Variants in CCN4 observed in about 807,000 individuals in gnomAD.
CCN4 encodes the protein CCN family member 4.
CCN4 carries 30 observed loss-of-function variants against 36.7 expected under a neutral mutation model. The observed-to-expected ratio is 0.82, with a 90% confidence interval of 0.61 to 1.11. CCN4 has a LOEUF of 1.11. Among genes scored for constraint, CCN4 ranks in the 50% least tolerant of loss-of-function variants. The probability of loss-of-function intolerance (pLI) is 0.00; values close to 1 mark genes in which losing one functional copy is unlikely to be tolerated. For synonymous variants in CCN4, 191 were observed against 195.4 expected, an observed-to-expected ratio of 0.98 and a Z score of 0.19; for missense variants, 505 against 504.9, an observed-to-expected ratio of 1.00 and a Z score of 0.00.
rs1180451059 is a variant in CCN4 at position 133,231,415 on chromosome 8, G to A, written c.*3705G>A. The A allele has an allele frequency of 1.3e-5, 2 of 152,234 alleles. No individual in the cohort carries two copies. The highest frequency in any genetic ancestry group is 2.9e-5 in the Non-Finnish European group (2 of 68,010). The allele number at this position is 152,234 out of a possible 1,614,324, so 9.4% of individuals were successfully genotyped here. A position where few individuals can be genotyped will look rare whatever the true frequency, so the allele number is the denominator to read the frequency against. ...ACTGAAAAACTACACATGAGGAAAC[G>A]TCTTAGAATTTTCCAATAGAGGAAA... On this transcript the variant is annotated 3_prime_UTR_variant, in exon 5 of 5. Coordinates refer to ENST00000250160, the MANE Select transcript of CCN4 (RefSeq NM_003882.4).
intron 1 of CCN4, among the ~76,000 whole-genome samples, chr8:133,197,579 A>G (rs974836975): frequency 6.6e-6 from 1 of 152,000 alleles, no homozygotes; most frequent in Non-Finnish European, 1.5e-5. Flanking sequence ...CCTCCTCTCT[A>G]TGAAAGAAGG....
intron 1 of CCN4, among the ~76,000 whole-genome samples, chr8:133,210,622 AT>A (rs71299054): frequency 6.6e-6 from 1 of 151,750 alleles, no homozygotes; most frequent in Non-Finnish European, 1.5e-5. Context: ...TGCAGGCAAG[AT>A]TTTTTTTGGC....
At chr8:133,224,234 T>G in intron 3 of CCN4, among the ~76,000 whole-genome samples, 1 of 69,710 alleles carries the variant, frequency 1.4e-5, no homozygotes, top group African/African-American at 4.8e-5. Context: ...AAGTCCTTTT[T>G]TTTTTTTTTT....
intron 1 of CCN4, among the ~76,000 whole-genome samples, chr8:133,209,555 C>T (rs1283711691): frequency 6.6e-6 from 1 of 152,240 alleles, no homozygotes; most frequent in Non-Finnish European, 1.5e-5. Context: ...TGCAGCTTCC[C>T]CTCACCAGCT....
At chr8:133,223,212 G>A (rs567462385) in intron 3 of CCN4, among the ~76,000 whole-genome samples, 2 of 152,248 alleles carry the variant, frequency 1.3e-5, no homozygotes, top group East Asian at 3.9e-4. Flanking sequence ...GAGGGTCACG[G>A]GGGGAGCAGG....
chr8:133,201,210 A>G (rs1223487073), intron 1 of CCN4, among the ~76,000 whole-genome samples: 1 of 152,050 alleles, frequency 6.6e-6, no homozygotes, highest in African/African-American at 2.4e-5. Flanking sequence ...TCTGACCTTT[A>G]CCTTTTTGTG....
chr8:133,227,366 C>T lies in CCN4; in HGVS notation c.805-45C>T, dbSNP rs148267109. On this transcript the variant is annotated intron_variant, in intron 4 of 4. Transcript: ENST00000250160. Reference sequence around the variant, plus strand: ...GGCTCAGGGGAAGAAGGTGGTTGTCCATTCTCTGAGCACTCCCACTGAAAG... The same window carrying T: ...GGCTCAGGGGAAGAAGGTGGTTGTCTATTCTCTGAGCACTCCCACTGAAAG... 204 of 1,554,606 alleles carry T rather than the reference C, an allele frequency of 1.3e-4. No individual in the cohort carries two copies. In the East Asian group the frequency reaches 4.3e-3, roughly 33 times the overall value.
Position 133,225,586 on chromosome 8 carries a change from G to A in CCN4, c.804+3G>A. ...TGGACATCCATACACTCATTAAGGT[G>A]GGTCCAGAGCAGGTGTGGATGTCTA... On this transcript the variant is annotated splice_donor_region_variant and intron_variant, in intron 4 of 4. Transcript: ENST00000250160. The A allele has an allele frequency of 6.3e-7, 1 of 1,593,758 alleles. No individual in the cohort carries two copies. Among genetic ancestry groups the A allele is most frequent in the Non-Finnish European group, 8.6e-7 (1 of 1,166,294 alleles).
intron 1 of CCN4, among the ~76,000 whole-genome samples, chr8:133,212,305 C>T (rs1258557019): frequency 1.3e-5 from 2 of 152,124 alleles, no homozygotes; most frequent in Non-Finnish European, 2.9e-5. Context: ...TGCCGCTGCA[C>T]CACGCCAGCC....
At chr8:133,221,894 G>C (rs1588204032) in intron 3 of CCN4, among the ~76,000 whole-genome samples, 1 of 151,490 alleles carries the variant, frequency 6.6e-6, no homozygotes, top group South Asian at 2.1e-4. Context: ...GTGAATGATG[G>C]ATGGGTCAAT....
intron 1 of CCN4, among the ~76,000 whole-genome samples, chr8:133,194,288 T>A (rs563610293): frequency 7.8e-6 from 1 of 128,494 alleles, no homozygotes; most frequent in East Asian, 2.4e-4. Context: ...ATGTGGGGTG[T>A]GTCTGGTGTG....
intron 2 of CCN4, among the ~76,000 whole-genome samples, chr8:133,214,316 C>T (rs1344715548): frequency 6.6e-6 from 1 of 151,182 alleles, no homozygotes; most frequent in African/African-American, 2.4e-5. Flanking sequence ...AATGACATTG[C>T]CATAATTTTT....
intron 1 of CCN4, among the ~76,000 whole-genome samples, chr8:133,194,583 TG>T (rs1247319540): frequency 1.8e-5 from 1 of 54,254 alleles, no homozygotes; most frequent in African/African-American, 7.9e-5. Context: ...GAGGGGTGTG[TG>T]GGGTGTGTGG....
intron 1 of CCN4, among the ~76,000 whole-genome samples, chr8:133,199,303 C>T (rs1004496250): frequency 2.6e-5 from 4 of 152,206 alleles, no homozygotes; most frequent in African/African-American, 9.6e-5. Context: ...CAGGCTTGTG[C>T]TCTAGGCAGG....
Position 133,220,586 on chromosome 8 carries a change from G to A in CCN4, c.355G>A (p.Val119Ile). Residue 119 changes from valine (V) to isoleucine (I), a missense_variant, in exon 3 of 5, where the codon GTC (valine) becomes ATC (isoleucine). Physicochemically the swap from Val to Ile is conservative, Grantham distance 29. Transcript: ENST00000250160. ...CCGGCCACCTGTGTTTGCAGAGGTG[G>A]TCGGTGTGGGCTGCGTCCTGGATGG... ...RYAIGVCAQV[V>I]GVGCVLDGVR... is the part of the protein sequence containing the mutation. 1 of 1,612,104 alleles carries A rather than the reference G, an allele frequency of 6.2e-7. No homozygotes were observed. The highest frequency in any genetic ancestry group is 8.5e-7 in the Non-Finnish European group (1 of 1,178,350).
rs774901329 is a variant in CCN4, at chr8:133,212,982, C to T, written c.188C>T (p.Pro63Leu). The change falls in exon 2 of 5, where the codon CCG (proline) becomes CTG (leucine). Residue 63 changes from proline (P) to leucine (L), a missense_variant. Physicochemically the swap from Pro to Leu is moderately conservative, Grantham distance 98. Coordinates refer to ENST00000250160, the MANE Select transcript of CCN4 (RefSeq NM_003882.4). ...CECPPSPPRC[P>L]LGVSLITDGC... is the part of the protein sequence containing the mutation. ...TGCCCGCCATCCCCACCCCGCTGCC[C>T]GCTGGGGGTCAGCCTCATCACAGAT... 42 of 1,614,006 alleles carry T rather than the reference C, an allele frequency of 2.6e-5. No homozygotes were observed. Among genetic ancestry groups the T allele is most frequent in the Admixed American group, 5.0e-5 (3 of 60,004 alleles).
chr8:133,210,566 C>T (rs1853980383), intron 1 of CCN4, among the ~76,000 whole-genome samples: 1 of 152,160 alleles, frequency 6.6e-6, no homozygotes, highest in East Asian at 1.9e-4. Flanking sequence ...CCAGCAAGGC[C>T]TTCCAAGGCC....
chr8:133,215,953 A>G (rs11780866), intron 2 of CCN4, among the ~76,000 whole-genome samples: 47,763 of 151,752 alleles, frequency 0.31, 8,833 homozygotes, highest in Middle Eastern at 0.45. Context: ...AAATTTTTTC[A>G]GTCAGATAGT....
chr8:133,208,568 G>A lies in CCN4; in HGVS notation c.70-4296G>A, dbSNP rs192220981. On this transcript the variant is annotated intron_variant, in intron 1 of 4. Coordinates refer to ENST00000250160, the MANE Select transcript of CCN4 (RefSeq NM_003882.4). ...CCCATCCTCATCCGTCCTAGCCTTC[G>A]CCTCCTCCTGCCTCCACCCTGCACC... Among the ~76,000 whole-genome samples, 180 of 152,166 alleles carry A rather than the reference G, an allele frequency of 1.2e-3. 1 individual carries two copies. Among genetic ancestry groups the A allele is most frequent in the South Asian group, 6.2e-3 (30 of 4,812 alleles).
Sources: gnomAD v4.1 joint callset for allele counts (sites outside exome capture counted in the v4.1 genomes callset) on GRCh38, gnomAD v4.1.1 for gene constraint, MANE v1.5 for transcripts, NCBI Gene and HGNC (gene_info 2026-07-23, HGNC 2026-07-21) for gene names.